Variants in RBFOX1 observed in about 807,000 individuals in gnomAD.
RBFOX1 encodes RNA binding fox-1 homolog 1, also known as RNA binding protein fox-1 homolog 1.
A neutral mutation model predicts 57.7 loss-of-function variants in RBFOX1; 8 were observed. The observed-to-expected ratio is 0.14, with a 90% CI of 0.08 to 0.25. The LOEUF is 0.25. RBFOX1 is among the 10% of genes least tolerant of loss of function. The probability of loss-of-function intolerance (pLI) is 1.00; values close to 1 mark genes in which losing one functional copy is unlikely to be tolerated. For synonymous variants in RBFOX1, 326 were observed against 222.4 expected (o/e 1.47, Z -4.15); for missense variants, 611 against 548.5 (o/e 1.11, Z -1.14).
intron 5 of RBFOX1, among the ~76,000 whole-genome samples, chr16:7,555,822 C>G (rs753560253): frequency 6.6e-6 from 1 of 152,188 alleles, no homozygotes; most frequent in Admixed American, 6.5e-5. Flanking sequence ...AAGCCTACCT[C>G]CACGGTCCCT....
At chr16:6,792,055 C>G (rs191332742) in intron 3 of RBFOX1, among the ~76,000 whole-genome samples, 1 of 152,012 alleles carries the variant, frequency 6.6e-6, no homozygotes, top group Admixed American at 6.6e-5. Flanking sequence ...TTGCGTTTCA[C>G]GAACTATCAC....
rs532886908 is a variant in RBFOX1 at position 6,636,003 on chromosome 16, A to G, written c.-63-18600A>G. On this transcript the variant is annotated intron_variant, in intron 2 of 15. Coordinates refer to ENST00000550418, the MANE Select transcript of RBFOX1 (RefSeq NM_018723.4). ...TATGCTTTATATGCACATCATACAC[A>G]TAACCTGAAAGTACTTGTGTACATG... Among the ~76,000 whole-genome samples the G allele has an allele frequency of 9.2e-5, 14 of 152,298 alleles. No homozygotes were observed. The South Asian group carries it at 2.5e-3, about 27-fold the overall frequency.
chr16:5,431,681 A>AT (rs1482775569), intron 1 of RBFOX1, among the ~76,000 whole-genome samples: 4 of 151,950 alleles, frequency 2.6e-5, no homozygotes, highest in Non-Finnish European at 4.4e-5. Flanking sequence ...CCGCTGGTTT[A>AT]TTTTTTATTA....
At chr16:7,208,744 A>G (rs922110793) in intron 4 of RBFOX1, among the ~76,000 whole-genome samples, 5 of 152,276 alleles carry the variant, frequency 3.3e-5, no homozygotes, top group African/African-American at 9.6e-5. Flanking sequence ...GGCTGAAGCA[A>G]GAAGATTATT....
chr16:6,963,287 CT>C (rs961691264), intron 3 of RBFOX1, among the ~76,000 whole-genome samples: 54 of 148,924 alleles, frequency 3.6e-4, no homozygotes, highest in African/African-American at 9.1e-4. Flanking sequence ...TCAACAGTGA[CT>C]TTTTTTTTTG....
chr16:5,538,435 A>T (rs980797225), intron 2 of RBFOX1, among the ~76,000 whole-genome samples: 2 of 152,132 alleles, frequency 1.3e-5, no homozygotes, highest in African/African-American at 4.8e-5. Context: ...GTCAAAGAAG[A>T]CTAAGGCTTT....
At chr16:7,394,235 C>CAA (rs59934126) in intron 4 of RBFOX1, among the ~76,000 whole-genome samples, 1,302 of 55,002 alleles carry the variant, frequency 0.024, 3 homozygotes, top group Non-Finnish European at 0.026. Flanking sequence ...GACTCCGCAT[C>CAA]AAAAAAAAAA....
chr16:6,956,600 G>A (rs1490519102), intron 3 of RBFOX1, among the ~76,000 whole-genome samples: 1 of 152,202 alleles, frequency 6.6e-6, no homozygotes, highest in Admixed American at 6.5e-5. Context: ...ACAGAGGAGT[G>A]AGTGGTTCAA....
chr16:7,575,740 A>C (rs2093273335), intron 5 of RBFOX1, among the ~76,000 whole-genome samples: 1 of 152,188 alleles, frequency 6.6e-6, no homozygotes, highest in Admixed American at 6.5e-5. Context: ...AGAGACATAA[A>C]ACGCTGGCTG....
intron 4 of RBFOX1, among the ~76,000 whole-genome samples, chr16:7,169,374 T>G (rs1025517584): frequency 6.6e-6 from 1 of 152,216 alleles, no homozygotes; most frequent in African/African-American, 2.4e-5. Context: ...AGATAATTAC[T>G]TGTTATGGGC....
At chr16:6,869,555 A>T (rs756983049) in intron 3 of RBFOX1, among the ~76,000 whole-genome samples, 1 of 151,898 alleles carries the variant, frequency 6.6e-6, no homozygotes, top group Non-Finnish European at 1.5e-5. Flanking sequence ...ATAAAAGGAG[A>T]TTAACATTAA....
At chr16:6,512,012 T>C (rs1370045677) in intron 2 of RBFOX1, among the ~76,000 whole-genome samples, 1 of 152,024 alleles carries the variant, frequency 6.6e-6, no homozygotes, top group Non-Finnish European at 1.5e-5. Flanking sequence ...GGCTTATACC[T>C]GTAATCCAAG....
intron 3 of RBFOX1, among the ~76,000 whole-genome samples, chr16:5,757,175 G>A (rs1390447248): frequency 1.3e-5 from 2 of 151,890 alleles, no homozygotes; most frequent in Admixed American, 1.3e-4. Flanking sequence ...AGCCAGCAGA[G>A]GGAGAAAGAG....
intron 1 of RBFOX1, among the ~76,000 whole-genome samples, chr16:6,199,119 ATATT>A (rs2097199248): frequency 6.6e-6 from 1 of 152,182 alleles, no homozygotes; most frequent in African/African-American, 2.4e-5. Context: ...ATTGAAAAAA[ATATT>A]TAATATAAAT....
intron 1 of RBFOX1, among the ~76,000 whole-genome samples, chr16:6,160,582 C>T (rs974772589): frequency 6.6e-5 from 10 of 152,136 alleles, no homozygotes; most frequent in Admixed American, 6.6e-4. Context: ...TCCATCCAGC[C>T]CGAGTCATGC....
Position 5,947,777 on chromosome 16 carries a change from A to T in RBFOX1, c.351+80442A>T, listed in dbSNP as rs557455243. 1.3e-5 allele frequency among the ~76,000 whole-genome samples: 2 copies of T among 152,196 alleles called. No homozygotes were observed. Among genetic ancestry groups the T allele is most frequent in the Admixed American group, 6.5e-5 (1 of 15,268 alleles). On this transcript the variant is annotated intron_variant, in intron 4 of 19. Coordinates refer to the RBFOX1 transcript ENST00000641259. The surrounding 1 kb of genome is among the most constrained non-coding windows in gnomAD (Gnocchi z 7.2). ...GGTGTCTCCACCTAACAGTGCAAGG[A>T]TACAGCTGCCCTTGGTATTCTTCAT... is the stretch of plus-strand genomic sequence containing the variant.
intron 1 of RBFOX1, among the ~76,000 whole-genome samples, chr16:6,253,701 A>G (rs12928302): frequency 0.26 from 22,986 of 88,892 alleles, 2,814 homozygotes; most frequent in African/African-American, 0.39. Context: ...GTGTGTGTGT[A>G]TATATATATA....
At chr16:6,866,802 A>C (rs1309439271) in intron 3 of RBFOX1, among the ~76,000 whole-genome samples, 1 of 151,922 alleles carries the variant, frequency 6.6e-6, no homozygotes, top group Non-Finnish European at 1.5e-5. Flanking sequence ...TTGGCCTCCC[A>C]AACTGCTGGG....
rs145142076 is a variant in RBFOX1 at position 7,505,881 on chromosome 16, C to G, written c.28-12266C>G. On this transcript the variant is annotated intron_variant, in intron 4 of 15. Transcript: ENST00000550418. ...ATGGCTTCAGCACAACTTTAGAGTT[C>G]TTTGTTCAAGAGATAATTTTCTGGC... Among the ~76,000 whole-genome samples the G allele has an allele frequency of 5.3e-3, 803 of 152,104 alleles. 7 individuals are homozygous for G. The highest frequency in any genetic ancestry group is 0.019 in the African/African-American group (778 of 41,490).
Sources: gnomAD v4.1 joint callset for allele counts (sites outside exome capture counted in the v4.1 genomes callset) on GRCh38, gnomAD v4.1.1 for gene constraint, Gnocchi (gnomAD v3.1) non-coding constraint, MANE v1.5 for transcripts, NCBI Gene and HGNC (gene_info 2026-07-23, HGNC 2026-07-21) for gene names.